CASZ1: variants seen among roughly 807,000 people sequenced by gnomAD.
The protein encoded by CASZ1 is castor zinc finger 1.
Under a neutral mutation model 135.2 loss-of-function variants are expected in CASZ1, and 28 were observed. The observed-to-expected ratio is 0.21, with a 90% CI of 0.15 to 0.28. The LOEUF is 0.28. Among genes scored for constraint, CASZ1 ranks in the 10% least tolerant of loss-of-function variants. The pLI is 1.00. For missense variants in CASZ1, 2,161 were observed against 2,453.3 expected (o/e 0.88, Z 2.52); for synonymous variants, 1,068 against 1,073.4 (o/e 0.99, Z 0.10).
rs190506941 is a variant in CASZ1, at chr1:10,721,601, G to A, written c.-76-16057C>T. On this transcript the variant is annotated intron_variant, in intron 2 of 20. Transcript: ENST00000377022. This position sits in a 1 kb window ranked among gnomAD's most constrained non-coding sequence, Gnocchi z 5.4. Reference sequence around the variant, plus strand: ...ACAGGGCAACTGGCTACCTGCCAGCGTGGCCCCCTTGCCATCAGAGCCCAC... The same window carrying A: ...ACAGGGCAACTGGCTACCTGCCAGCATGGCCCCCTTGCCATCAGAGCCCAC... Among the ~76,000 whole-genome samples the A allele has an allele frequency of 3.0e-4, 46 of 152,324 alleles. No homozygotes were observed. The highest frequency in any genetic ancestry group is 9.7e-4 in the East Asian group (5 of 5,176).
chr1:10,638,124 C>A lies in CASZ1; in HGVS notation c.*818G>T, dbSNP rs530366392. ...CACGCCTGCTTTCTTCCTTTTTGTT[C>A]TATGTAGAATAATAACCTTTACAGG... On this transcript the variant is annotated 3_prime_UTR_variant, in exon 21 of 21. Transcript: ENST00000377022. This position sits in a 1 kb window ranked among gnomAD's most constrained non-coding sequence, Gnocchi z 5.9. 2.0e-5 allele frequency: 3 copies of A among 152,522 alleles called. No homozygotes were observed. In the East Asian group the frequency reaches 5.8e-4, roughly 29 times the overall value. 9.4% of individuals were successfully genotyped at this position (152,522 alleles called of 1,614,324 possible). A position where few individuals can be genotyped will look rare whatever the true frequency, so the allele number is the denominator to read the frequency against.
chr1:10,691,301 C>T (rs182214723), intron 4 of CASZ1, among the ~76,000 whole-genome samples: 5 of 152,266 alleles, frequency 3.3e-5, no homozygotes, highest in African/African-American at 1.2e-4. Context: ...TAAAGACGTC[C>T]AGATTGATCC....
intron 7 of CASZ1, chr1:10,658,257 G>A (rs1301398235): frequency 2.0e-6 from 1 of 505,956 alleles, no homozygotes; most frequent in Non-Finnish European, 3.6e-6. Flanking sequence ...CCTGCGTCGG[G>A]ACCCCGGCCC....
Position 10,750,302 on chromosome 1 carries a change from G to C in CASZ1, c.-77+10399C>G, listed in dbSNP as rs77039304. Among the ~76,000 whole-genome samples, 1,107 of 152,208 alleles carry C rather than the reference G, an allele frequency of 7.3e-3. 10 individuals are homozygous for C. Among genetic ancestry groups the C allele is most frequent in the African/African-American group, 0.024 (979 of 41,526 alleles). On this transcript the variant is annotated intron_variant, in intron 2 of 20. Transcript: ENST00000377022. ...CTTCTTCTACTTTTTAAGAGACGGG[G>C]TCTTGCCCTGCTGCCAAGGCTGGGG...
Position 10,702,661 on chromosome 1 carries a change from C to G in CASZ1, c.-24+2831G>C, listed in dbSNP as rs555175826. Among the ~76,000 whole-genome samples the G allele has an allele frequency of 3.3e-5, 5 of 152,166 alleles. No homozygotes were observed. In the East Asian group the frequency reaches 9.7e-4, roughly 30 times the overall value. On this transcript the variant is annotated intron_variant, in intron 3 of 20. Transcript: ENST00000377022. The stretch of plus-strand genomic sequence containing the variant: ...CTGGGAGGAGAGGGAGGCCAAGAAC[C>G]CCATCGGTGGGTCCAGGTTTGTGTC...
At chr1:10,684,020 T>C (rs1025389032) in intron 4 of CASZ1, among the ~76,000 whole-genome samples, 2 of 152,220 alleles carry the variant, frequency 1.3e-5, no homozygotes, top group African/African-American at 2.4e-5. Context: ...CTCTGACATT[T>C]AGCATTTGGG....
At chr1:10,672,214 C>G (rs1557492733) in intron 4 of CASZ1, among the ~76,000 whole-genome samples, 1 of 141,556 alleles carries the variant, frequency 7.1e-6, no homozygotes, top group Admixed American at 7.0e-5. Context: ...CCCCCCTCCC[C>G]CCGCCACCCC....
At chr1:10,775,228 C>T (rs1004690176) in intron 1 of CASZ1, among the ~76,000 whole-genome samples, 7 of 152,176 alleles carry the variant, frequency 4.6e-5, no homozygotes, top group African/African-American at 7.2e-5. Flanking sequence ...ATAAACAAAC[C>T]GGTTTGGATA....
At chr1:10,740,365 G>C (rs185040881) in intron 2 of CASZ1, among the ~76,000 whole-genome samples, 1 of 152,198 alleles carries the variant, frequency 6.6e-6, no homozygotes, top group Non-Finnish European at 1.5e-5. Flanking sequence ...GCCCCAGCCC[G>C]GGCTTCAGCT....
intron 2 of CASZ1, among the ~76,000 whole-genome samples, chr1:10,746,497 G>A (rs879049849): frequency 4.3e-4 from 65 of 152,330 alleles, no homozygotes; most frequent in African/African-American, 1.3e-3. Context: ...GAGTCTGCGC[G>A]GGATCCCTTC....
chr1:10,762,074 G>A lies in CASZ1; in HGVS notation c.-233-1217C>T, dbSNP rs1268988210. Among the ~76,000 whole-genome samples, 2 of 152,122 alleles carry A rather than the reference G, an allele frequency of 1.3e-5. No homozygotes were observed. The highest frequency in any genetic ancestry group is 2.9e-5 in the Non-Finnish European group (2 of 68,028). On this transcript the variant is annotated intron_variant, in intron 1 of 20. Transcript: ENST00000377022. The surrounding 1 kb of genome is among the most constrained non-coding windows in gnomAD (Gnocchi z 4.1). ...ACTTGGCCCGGCCCTCAGAGTCCCC[G>A]GAGGCCTTGCAGGAGTGCACGAACC...
chr1:10,712,337 A>G (rs534660380), intron 2 of CASZ1, among the ~76,000 whole-genome samples: 16 of 152,304 alleles, frequency 1.1e-4, no homozygotes, highest in African/African-American at 3.9e-4. Context: ...CAAGAGTGAG[A>G]CTCTGTCTCA....
rs77147235 is a variant in CASZ1, at chr1:10,788,821, G to A, written c.-234+7743C>T. Among the ~76,000 whole-genome samples the A allele has an allele frequency of 8.7e-3, 1,321 of 152,336 alleles. 30 individuals carry two copies. Among genetic ancestry groups the A allele is most frequent in the African/African-American group, 0.03 (1,233 of 41,584 alleles). The stretch of plus-strand genomic sequence containing the variant: ...AGCGCCCTCCCTCCTGTGTGCCAGG[G>A]CTTCCTGCCCAGCCAGCAGAGGCAT... On this transcript the variant is annotated intron_variant, in intron 1 of 20. Coordinates refer to ENST00000377022, the MANE Select transcript of CASZ1 (RefSeq NM_001079843.3). This position sits in a 1 kb window ranked among gnomAD's most constrained non-coding sequence, Gnocchi z 4.1.
chr1:10,640,097 C>G lies in CASZ1; in HGVS notation c.4163-38G>C, dbSNP rs371896402. The G allele has an allele frequency of 2.1e-4, 334 of 1,569,200 alleles. 2 individuals carry two copies. In the African/African-American group the frequency reaches 4.2e-3, roughly 20 times the overall value. On this transcript the variant is annotated intron_variant, in intron 20 of 20. Transcript: ENST00000377022. ...AGGGAGGTCAGTGCAGAAGAGGGACCCACGTGGGCACCATCAACAGGGTTA... is the reference window on the plus strand; with the variant it reads ...AGGGAGGTCAGTGCAGAAGAGGGACGCACGTGGGCACCATCAACAGGGTTA...
intron 2 of CASZ1, among the ~76,000 whole-genome samples, chr1:10,744,275 C>G (rs915039405): frequency 6.6e-6 from 1 of 151,850 alleles, no homozygotes; most frequent in Non-Finnish European, 1.5e-5. Flanking sequence ...AGGGTGGGGT[C>G]CTGGGGCGGG....
intron 4 of CASZ1, among the ~76,000 whole-genome samples, chr1:10,680,275 C>T (rs1638369285): frequency 4.8e-4 from 3 of 6,270 alleles, no homozygotes; most frequent in South Asian, 8.7e-3. Flanking sequence ...CGGGGCGGGG[C>T]GGCGGGGGAT....
chr1:10,740,900 G>C (rs1175018096), intron 2 of CASZ1, among the ~76,000 whole-genome samples: 3 of 139,626 alleles, frequency 2.1e-5, no homozygotes, highest in Non-Finnish European at 4.5e-5. Context: ...GGAGGCTGCA[G>C]TGAGCTATGA....
At chr1:10,782,168 C>A (rs1382730233) in intron 1 of CASZ1, among the ~76,000 whole-genome samples, 2 of 152,234 alleles carry the variant, frequency 1.3e-5, no homozygotes, top group East Asian at 3.9e-4. Context: ...AAATGAGGAG[C>A]ACGACTGGAG....
intron 12 of CASZ1, 28 bp from the exon 13 acceptor site, chr1:10,650,783 G>C (rs182689384): frequency 6.3e-7 from 1 of 1,598,640 alleles, no homozygotes; most frequent in Non-Finnish European, 8.5e-7. Flanking sequence ...AGGGACTTGA[G>C]CTCAGACGGC....
Sources: allele counts gnomAD v4.1 joint callset (sites outside exome capture counted in the v4.1 genomes callset), GRCh38; gene constraint gnomAD v4.1.1; non-coding constraint Gnocchi (gnomAD v3.1); transcripts MANE v1.5; gene names NCBI Gene and HGNC (gene_info 2026-07-23, HGNC 2026-07-21).